Variants in GPC1 observed in about 807,000 individuals in gnomAD.
GPC1 encodes glypican 1.
GPC1 carries 26 observed loss-of-function variants against 51.5 expected under a neutral mutation model. The ratio of observed to expected loss-of-function variants is 0.50; its 90% confidence interval spans 0.37 to 0.70. The LOEUF (loss-of-function observed/expected upper bound fraction) is 0.70, where lower values mean the gene tolerates loss of function less well. GPC1 is among the 30% of genes least tolerant of loss of function. The pLI is 0.00. For synonymous variants in GPC1, 380 were observed against 348.3 expected (o/e 1.09, Z -1.01); for missense variants, 775 against 800.5 (o/e 0.97, Z 0.38).
intron 1 of GPC1, among the ~76,000 whole-genome samples, chr2:240,436,373 C>T (rs1009840587): frequency 1.3e-5 from 2 of 152,084 alleles, no homozygotes; most frequent in African/African-American, 4.8e-5. Flanking sequence ...CTGATCTCGC[C>T]GGGCTGCGGG....
chr2:240,449,910 C>T (rs1344873408), intron 1 of GPC1: 2 of 470,496 alleles, frequency 4.3e-6, no homozygotes, highest in African/African-American at 2.0e-5. Context: ...AATCCTATTC[C>T]ATTGTATGCA....
At chr2:240,461,810 G>A (rs557906374) in intron 2 of GPC1, among the ~76,000 whole-genome samples, 17 of 152,134 alleles carry the variant, frequency 1.1e-4, no homozygotes, top group South Asian at 6.2e-4. Flanking sequence ...GGCACAGACC[G>A]GCCCTGCCCC....
At chr2:240,464,119 CT>C (rs2074239752) in intron 4 of GPC1, 1 of 217,944 alleles carries the variant, frequency 4.6e-6, no homozygotes, top group African/African-American at 2.2e-5. Flanking sequence ...CAGGTGTGTG[CT>C]AACGTGATGG....
At chr2:240,460,331 C>T (rs913751862) in intron 2 of GPC1, among the ~76,000 whole-genome samples, 2 of 152,110 alleles carry the variant, frequency 1.3e-5, no homozygotes, top group Non-Finnish European at 2.9e-5. Flanking sequence ...ACCCGGGGAG[C>T]GAGCCCCTGC....
At chr2:240,458,892 G>A in intron 1 of GPC1, 138 bp from the exon 2 acceptor site, 1 of 701,590 alleles carries the variant, frequency 1.4e-6, no homozygotes, top group Non-Finnish European at 2.4e-6. Flanking sequence ...CCTTCACCCA[G>A]GGCACCCCCC....
intron 2 of GPC1, among the ~76,000 whole-genome samples, chr2:240,461,183 G>A (rs543058127): frequency 2.0e-4 from 30 of 152,300 alleles, no homozygotes; most frequent in Non-Finnish European, 3.4e-4. Flanking sequence ...TGTGTGGCCC[G>A]TCCACCCTCC....
rs145387139 is a variant in GPC1, at chr2:240,446,224, G to A, written c.166+10140G>A. ...TGGGGAGTCCCCAGGCACCTTGGGC[G>A]GAGCAAGGAGCAGGGCCATCTGCCT... On this transcript the variant is annotated intron_variant, in intron 1 of 8. Coordinates refer to ENST00000264039, the MANE Select transcript of GPC1 (RefSeq NM_002081.3). Among the ~76,000 whole-genome samples, 17 of 152,356 alleles carry A rather than the reference G, an allele frequency of 1.1e-4. No homozygotes were observed. The East Asian group carries it at 2.1e-3, about 19-fold the overall frequency.
chr2:240,459,246 G>T, intron 2 of GPC1, 58 bp downstream of exon 2: 1 of 1,491,642 alleles, frequency 6.7e-7, no homozygotes. Context: ...CGGGGGAGGG[G>T]CACACTGGGC....
chr2:240,463,152 C>G (rs527472663), intron 3 of GPC1, among the ~76,000 whole-genome samples, 195 bp from the exon 4 acceptor site: 1 of 152,050 alleles, frequency 6.6e-6, no homozygotes, highest in Non-Finnish European at 1.5e-5. Context: ...CTGTGACCCT[C>G]GAGATCATTA....
At chr2:240,452,657 A>T (rs1210208997) in intron 1 of GPC1, among the ~76,000 whole-genome samples, 2 of 151,736 alleles carry the variant, frequency 1.3e-5, no homozygotes, top group Admixed American at 6.6e-5. Context: ...GGCGGCGGGC[A>T]GGAAGGCGGG....
chr2:240,463,265 A>G, intron 3 of GPC1, 82 bp from the exon 4 acceptor site: 1 of 1,242,982 alleles, frequency 8.0e-7, no homozygotes, highest in Non-Finnish European at 1.2e-6. Context: ...AGAGCCCCCT[A>G]CCCTGGGGCT....
At chr2:240,450,001 G>A in intron 1 of GPC1, 1 of 445,560 alleles carries the variant, frequency 2.2e-6, no homozygotes, top group East Asian at 7.1e-5. Context: ...GAATAATGCT[G>A]TGAGCATGGG....
At chr2:240,441,935 G>A (rs1308144481) in intron 1 of GPC1, among the ~76,000 whole-genome samples, 1 of 152,306 alleles carries the variant, frequency 6.6e-6, no homozygotes, top group Non-Finnish European at 1.5e-5. Context: ...CGTGGGTGGC[G>A]GGGAAGTACA....
At position 240,442,744 on chromosome 2, in the gene GPC1, G is replaced by A. The variant is rs982004541; in HGVS notation, c.166+6660G>A. ...TAGCCTGTAGTGGGGAGCTAGCCCA[G>A]CCCGGCACACCTACATCTTCCCATC... is the stretch of plus-strand genomic sequence containing the variant. On this transcript the variant is annotated intron_variant, in intron 1 of 8. Coordinates refer to ENST00000264039, the MANE Select transcript of GPC1 (RefSeq NM_002081.3). 3.9e-5 allele frequency among the ~76,000 whole-genome samples: 6 copies of A among 152,354 alleles called. No individual in the cohort carries two copies. The East Asian group carries it at 1.2e-3, about 29-fold the overall frequency.
At chr2:240,436,254 C>G (rs979096989) in intron 1 of GPC1, among the ~76,000 whole-genome samples, 170 bp downstream of exon 1, 3 of 152,064 alleles carry the variant, frequency 2.0e-5, no homozygotes, top group African/African-American at 7.2e-5. Context: ...ACCCCACGGC[C>G]CTCGCCTCCA....
chr2:240,466,470 C>A lies in GPC1; in HGVS notation c.*180C>A. On this transcript the variant is annotated 3_prime_UTR_variant, in exon 9 of 9. Coordinates refer to ENST00000264039, the MANE Select transcript of GPC1 (RefSeq NM_002081.3). ...GGCCTGGCCTCGCCTGCCTTTCTGC[C>A]TTTTAATTTTGTATGAGGTCCTCAG... 1.7e-6 allele frequency: 1 copy of A among 580,876 alleles called. No homozygotes were observed. The highest frequency in any genetic ancestry group is 3.0e-5 in the Admixed American group (1 of 33,152). The allele number at this position is 580,876 out of a possible 1,614,324, so 36.0% of individuals were successfully genotyped here.
At chr2:240,463,999 G>C in intron 4 of GPC1, 1 of 212,888 alleles carries the variant, frequency 4.7e-6, no homozygotes, top group Non-Finnish European at 9.4e-6. Flanking sequence ...CACGTGTGTG[G>C]TAATATGTAC....
In GPC1 at chr2:240,467,865, A is replaced by C. The variant is rs2074279495; in HGVS notation, c.*1575A>C. On this transcript the variant is annotated 3_prime_UTR_variant, in exon 9 of 9. Coordinates refer to ENST00000264039, the MANE Select transcript of GPC1 (RefSeq NM_002081.3). ...GCACAGTGATGCCGGGCGCCAGGACAGCAGCACTCCCGCTGCACACAGACG... is the reference window on the plus strand; with the variant it reads ...GCACAGTGATGCCGGGCGCCAGGACCGCAGCACTCCCGCTGCACACAGACG... 1 of 152,256 alleles carries C rather than the reference A, an allele frequency of 6.6e-6. No homozygotes were observed. The highest frequency in any genetic ancestry group is 2.1e-4 in the South Asian group (1 of 4,836). 9.4% of individuals were successfully genotyped at this position (152,256 alleles called of 1,614,324 possible).
Position 240,465,492 on chromosome 2 carries a change from G to A in GPC1, c.1288G>A (p.Gly430Ser). The A allele has an allele frequency of 6.2e-7, 1 of 1,613,112 alleles. No homozygotes were observed. Among genetic ancestry groups the A allele is most frequent in the Non-Finnish European group, 8.5e-7 (1 of 1,179,986 alleles). Residue 430 changes from glycine (G) to serine (S), a missense_variant, in exon 8 of 9, where the codon GGT becomes AGT. Transcript: ENST00000264039. ...CCCCAGGTACCTCCCCGAGGTCATG[G>A]GTGACGGCCTGGCCAACCAGATCAA... is the stretch of plus-strand genomic sequence containing the variant. ...ARGRYLPEVM[G>S]DGLANQINNP... is the part of the protein sequence containing the mutation.
Sources: gnomAD v4.1 joint callset for allele counts (sites outside exome capture counted in the v4.1 genomes callset) on GRCh38, gnomAD v4.1.1 for gene constraint, MANE v1.5 for transcripts, NCBI Gene and HGNC (gene_info 2026-07-23, HGNC 2026-07-21) for gene names.